LRP1B: variants seen among roughly 807,000 people sequenced by gnomAD.
LRP1B encodes low-density lipoprotein receptor-related protein 1B.
Under a neutral mutation model 556.6 loss-of-function variants are expected in LRP1B, and 217 were observed. The ratio of observed to expected loss-of-function variants is 0.39; its 90% confidence interval spans 0.35 to 0.44. The LOEUF is 0.44. Among genes scored for constraint, LRP1B ranks in the 20% least tolerant of loss-of-function variants. LRP1B has a pLI of 1.00. For synonymous variants in LRP1B, 2,047 were observed against 1,865.8 expected (o/e 1.10, Z -2.50); for missense variants, 5,053 against 5,620.8 (o/e 0.90, Z 3.23).
At chr2:140,983,074 G>C (rs1290102382) in intron 17 of LRP1B, among the ~76,000 whole-genome samples, 1 of 151,378 alleles carries the variant, frequency 6.6e-6, no homozygotes, top group Non-Finnish European at 1.5e-5. Context: ...GTATAATCAG[G>C]GCAACTTTTA....
chr2:141,627,600 T>C (rs1688748090), intron 2 of LRP1B, among the ~76,000 whole-genome samples: 2 of 152,156 alleles, frequency 1.3e-5, no homozygotes, highest in Admixed American at 1.3e-4. Flanking sequence ...AGGATCTAGG[T>C]TGCATACTCC....
intron 3 of LRP1B, among the ~76,000 whole-genome samples, chr2:141,332,814 C>CAA (rs67444878): frequency 0.45 from 64,259 of 142,164 alleles, 15,383 homozygotes; most frequent in Non-Finnish European, 0.56. Context: ...TTTAAAAATG[C>CAA]AAAAAAAAAA....
intron 31 of LRP1B, among the ~76,000 whole-genome samples, chr2:140,836,414 C>T (rs926654572): frequency 6.6e-6 from 1 of 152,146 alleles, no homozygotes; most frequent in South Asian, 2.1e-4. Flanking sequence ...CCCTGAAACA[C>T]GACAAAAAGA....
At chr2:141,721,681 CA>C (rs1196842492) in intron 2 of LRP1B, among the ~76,000 whole-genome samples, 4 of 152,072 alleles carry the variant, frequency 2.6e-5, no homozygotes, top group Admixed American at 2.6e-4. Flanking sequence ...GAAGATTAAG[CA>C]AAACGATATA....
chr2:140,274,564 T>C lies in LRP1B; in HGVS notation c.13002A>G (p.Ser4334=), dbSNP rs2104952590. The C allele has an allele frequency of 1.2e-6, 2 of 1,612,424 alleles. No individual in the cohort carries two copies. Among genetic ancestry groups the C allele is most frequent in the Non-Finnish European group, 8.5e-7 (1 of 1,179,000 alleles). Residue 4334 remains serine, a synonymous_variant, in exon 85 of 91, where the codon TCA becomes TCG. Transcript: ENST00000389484. ...CACTTCCATCATCCCCAATGGTACA[T>C]GATTCAGAATTCACACAATAGTGGT... The part of the protein sequence containing the change: ...VCHHYCVNSE[S]CTIGDDGSVE...
intron 5 of LRP1B, among the ~76,000 whole-genome samples, chr2:141,246,984 AAAGG>A (rs772433945): frequency 8.5e-5 from 13 of 152,132 alleles, no homozygotes; most frequent in African/African-American, 1.7e-4. Flanking sequence ...GAAAAAAAAG[AAAGG>A]AAGGAAGGAA....
chr2:140,475,430 A>G, intron 59 of LRP1B, 93 bp from the exon 60 acceptor site: 1 of 884,932 alleles, frequency 1.1e-6, no homozygotes, highest in East Asian at 2.8e-5. Flanking sequence ...CTGTTCCCAC[A>G]TTAATCTTGC....
chr2:141,222,917 C>T (rs1214585252), intron 6 of LRP1B, among the ~76,000 whole-genome samples: 1 of 152,078 alleles, frequency 6.6e-6, no homozygotes, highest in Non-Finnish European at 1.5e-5. Context: ...GTGACAAACC[C>T]ATAGCCAATA....
chr2:140,638,569 T>C (rs16844369), intron 41 of LRP1B, among the ~76,000 whole-genome samples: 6,665 of 152,232 alleles, frequency 0.044, 178 homozygotes, highest in Middle Eastern at 0.065. Flanking sequence ...ATGTCTGATT[T>C]GTTTTTCCTA....
chr2:140,951,901 T>G lies in LRP1B; in HGVS notation c.2927A>C (p.Lys976Thr). 1 of 1,614,060 alleles carries G rather than the reference T, an allele frequency of 6.2e-7. No homozygotes were observed. Among genetic ancestry groups the G allele is most frequent in the East Asian group, 2.2e-5 (1 of 44,852 alleles). ...TTTGCTGCTAATGCATCTTCCACTT[T>G]TGCATACGAATTGGGTTAGTGGCTC... is the stretch of plus-strand genomic sequence containing the variant. ...TCEPLTQFVC[K>T]SGRCISSKWH... The change falls in exon 19 of 91, where the codon AAA becomes ACA. Residue 976 changes from lysine to threonine, a missense_variant. Physicochemically the swap from Lys to Thr is moderately conservative, Grantham distance 78. Transcript: ENST00000389484.
At chr2:141,100,730 G>A (rs1700439880) in intron 7 of LRP1B, among the ~76,000 whole-genome samples, 1 of 152,074 alleles carries the variant, frequency 6.6e-6, no homozygotes, top group African/African-American at 2.4e-5. Context: ...ATAGTGTGGA[G>A]CATGGTGAAA....
intron 83 of LRP1B, among the ~76,000 whole-genome samples, chr2:140,306,995 T>C (rs984788792): frequency 2.2e-4 from 34 of 152,130 alleles, no homozygotes; most frequent in African/African-American, 7.2e-4. Context: ...ATAAGAAAAA[T>C]GGAAATGTCT....
rs368656539 is a variant in LRP1B at position 140,495,700 on chromosome 2, C to G, written c.8899G>C (p.Val2967Leu). ...CCTGAAGAGCATTCATCAATGTCTA[C>G]ACATGTTTTGCCGTCATCCTTCAGT... ...FQLKDDGKTC[V>L]DIDECSSGFP... The change falls in exon 56 of 91, where the codon GTA becomes CTA. Residue 2967 changes from valine to leucine, a missense_variant. Val to Leu is a conservative substitution (Grantham distance 32). This residue lies in a region of LRP1B where 3,619 missense variants were observed against 3,931.9 expected (regional missense o/e 0.92). Coordinates refer to ENST00000389484, the MANE Select transcript of LRP1B (RefSeq NM_018557.3). The G allele has an allele frequency of 3.7e-6, 6 of 1,613,532 alleles. No individual in the cohort carries two copies. The South Asian group carries it at 6.6e-5, about 18-fold the overall frequency.
chr2:142,001,186 C>T (rs1323073068), intron 1 of LRP1B, among the ~76,000 whole-genome samples: 1 of 152,084 alleles, frequency 6.6e-6, no homozygotes, highest in Non-Finnish European at 1.5e-5. Flanking sequence ...TTATAAATTA[C>T]CCAGTCTGGG....
At chr2:140,266,987 A>T (rs1682234623) in intron 86 of LRP1B, among the ~76,000 whole-genome samples, 1 of 152,072 alleles carries the variant, frequency 6.6e-6, no homozygotes, top group Non-Finnish European at 1.5e-5. Context: ...GCACTTTAGA[A>T]TTGAACAGGA....
At chr2:141,162,033 T>A (rs185067051) in intron 7 of LRP1B, among the ~76,000 whole-genome samples, 26 of 152,218 alleles carry the variant, frequency 1.7e-4, no homozygotes, top group Admixed American at 7.9e-4. Context: ...TGGAATTATA[T>A]AGACTTACTT....
chr2:142,103,932 T>A (rs1171818007), intron 1 of LRP1B, among the ~76,000 whole-genome samples: 2 of 152,118 alleles, frequency 1.3e-5, no homozygotes, highest in Non-Finnish European at 2.9e-5. Flanking sequence ...TCCTCACAAG[T>A]GTCTGATCAG....
chr2:140,802,217 C>G (rs1690540136), intron 32 of LRP1B, among the ~76,000 whole-genome samples: 1 of 152,058 alleles, frequency 6.6e-6, no homozygotes, highest in South Asian at 2.1e-4. Flanking sequence ...TTTGTAAGGT[C>G]ATTTTTGGCT....
intron 84 of LRP1B, among the ~76,000 whole-genome samples, chr2:140,280,855 A>G (rs1376588112): frequency 1.3e-5 from 2 of 151,836 alleles, no homozygotes; most frequent in Non-Finnish European, 2.9e-5. Flanking sequence ...CTAAGAAAGT[A>G]GAGTGAACCA....
Sources: gnomAD v4.1 joint callset for allele counts (sites outside exome capture counted in the v4.1 genomes callset) on GRCh38, gnomAD v4.1.1 for gene constraint, gnomAD v4.1.1 regional missense constraint, MANE v1.5 for transcripts, NCBI Gene and HGNC (gene_info 2026-07-23, HGNC 2026-07-21) for gene names.